ATF6: variants seen among roughly 807,000 people sequenced by gnomAD.
ATF6 encodes the protein cyclic AMP-dependent transcription factor ATF-6 alpha.
In ATF6, 53 loss-of-function variants were observed where a neutral mutation model predicts 83.6. The observed-to-expected ratio is 0.63, with a 90% confidence interval of 0.51 to 0.80. The LOEUF is 0.80. Among genes scored for constraint, ATF6 ranks in the 30% least tolerant of loss-of-function variants. The probability of loss-of-function intolerance (pLI) is 0.00; values close to 1 mark genes in which losing one functional copy is unlikely to be tolerated. For missense variants in ATF6, 744 were observed against 797.9 expected (o/e 0.93, Z 0.81); for synonymous variants, 288 against 285.8 (o/e 1.01, Z -0.08).
At chr1:161,920,134 T>C (rs1226935856) in intron 15 of ATF6, among the ~76,000 whole-genome samples, 1 of 152,014 alleles carries the variant, frequency 6.6e-6, no homozygotes, top group Non-Finnish European at 1.5e-5. Flanking sequence ...GTTGTCTATT[T>C]TTTTTAAAAA....
intron 7 of ATF6, among the ~76,000 whole-genome samples, chr1:161,806,386 A>G (rs1485401016): frequency 1.3e-5 from 2 of 152,338 alleles, no homozygotes; most frequent in East Asian, 3.9e-4. Context: ...TTTTAAGGTT[A>G]TAGGAATTAC....
chr1:161,908,972 C>G (rs191761590), intron 14 of ATF6, among the ~76,000 whole-genome samples: 34 of 152,254 alleles, frequency 2.2e-4, no homozygotes, highest in African/African-American at 8.2e-4. Flanking sequence ...TAAAAAATAA[C>G]AGTCCTGTCC....
chr1:161,829,555 A>G (rs1362525164), intron 9 of ATF6, among the ~76,000 whole-genome samples: 1 of 152,200 alleles, frequency 6.6e-6, no homozygotes, highest in African/African-American at 2.4e-5. Flanking sequence ...AAAATCCTCA[A>G]TAAAATACTG....
intron 15 of ATF6, among the ~76,000 whole-genome samples, chr1:161,956,818 A>G (rs1018063484): frequency 2.0e-5 from 3 of 152,248 alleles, no homozygotes; most frequent in African/African-American, 7.2e-5. Flanking sequence ...AAAATAGAAT[A>G]TATCATCTGC....
chr1:161,831,048 G>A (rs1245460347), intron 9 of ATF6, among the ~76,000 whole-genome samples: 6 of 151,794 alleles, frequency 4.0e-5, no homozygotes, highest in African/African-American at 1.5e-4. Flanking sequence ...CAATCTACTC[G>A]TCTGACAAAG....
At chr1:161,796,133 C>T (rs1205606121) in intron 6 of ATF6, among the ~76,000 whole-genome samples, 1 of 152,168 alleles carries the variant, frequency 6.6e-6, no homozygotes, top group South Asian at 2.1e-4. Flanking sequence ...GGTAATTACA[C>T]AATTGGTAGT....
At chr1:161,941,229 A>T (rs1688636415) in intron 15 of ATF6, among the ~76,000 whole-genome samples, 1 of 152,212 alleles carries the variant, frequency 6.6e-6, no homozygotes, top group Non-Finnish European at 1.5e-5. Context: ...GCCCTGCTTA[A>T]AAAATAAAGG....
chr1:161,947,948 C>T (rs997919304), intron 15 of ATF6, among the ~76,000 whole-genome samples: 1 of 150,510 alleles, frequency 6.6e-6, no homozygotes, highest in Non-Finnish European at 1.5e-5. Context: ...TCTCAGCCTC[C>T]CGAGTAGCTG....
intron 14 of ATF6, among the ~76,000 whole-genome samples, chr1:161,883,571 A>G (rs1265478735): frequency 6.6e-6 from 1 of 151,988 alleles, no homozygotes. Context: ...TGACATTTTC[A>G]TATTGATATT....
intron 14 of ATF6, among the ~76,000 whole-genome samples, chr1:161,896,638 T>C (rs1214139778): frequency 2.0e-5 from 3 of 152,238 alleles, no homozygotes; most frequent in Admixed American, 2.0e-4. Flanking sequence ...CTATTATCAG[T>C]AAAATTAGAT....
At chr1:161,798,936 G>C (rs1003622178) in intron 6 of ATF6, among the ~76,000 whole-genome samples, 1 of 152,182 alleles carries the variant, frequency 6.6e-6, no homozygotes. Flanking sequence ...CTATCAAAAA[G>C]TTGAAAAATA....
At position 161,802,271 on chromosome 1, in the gene ATF6, A is replaced by G; in HGVS notation, c.908A>G (p.Asp303Gly). 6.2e-7 allele frequency: 1 copy of G among 1,613,500 alleles called. No individual in the cohort carries two copies. Residue 303 changes from aspartate to glycine, a missense_variant and splice_region_variant, in exon 7 of 16, where the codon GAT (aspartate) becomes GGT (glycine). By Grantham distance (94) the Asp-to-Gly change is moderately conservative. Transcript: ENST00000367942. The stretch of plus-strand genomic sequence containing the variant: ...AGTACCATGAGAAATGTCGGTTCAG[A>G]TGTAAGTTTTGAAACTTAGTGCTTC... ...LQSTMRNVGS[D>G]IAVLRRQQRM...
intron 4 of ATF6, among the ~76,000 whole-genome samples, chr1:161,787,837 A>G (rs6427630): frequency 0.12 from 18,053 of 152,220 alleles, 1,611 homozygotes; most frequent in East Asian, 0.31. Context: ...GATTTCAATT[A>G]TATGCATGTA....
chr1:161,823,870 C>T (rs1417127027), intron 9 of ATF6, among the ~76,000 whole-genome samples: 28 of 152,086 alleles, frequency 1.8e-4, no homozygotes, highest in South Asian at 2.1e-4. Context: ...CAACTGCTGC[C>T]GTAATTTATT....
At chr1:161,781,645 AGAAAATAAT>A (rs1684637054) in intron 2 of ATF6, among the ~76,000 whole-genome samples, 1 of 152,244 alleles carries the variant, frequency 6.6e-6, no homozygotes. Flanking sequence ...TCATTCTCAT[AGAAAATAAT>A]GAAGCCAACT....
At chr1:161,928,462 T>C (rs561602265) in intron 15 of ATF6, among the ~76,000 whole-genome samples, 2 of 152,280 alleles carry the variant, frequency 1.3e-5, no homozygotes, top group South Asian at 2.1e-4. Flanking sequence ...TGTTAAAATA[T>C]GGAGAAATAA....
At chr1:161,901,379 A>G (rs1422056111) in intron 14 of ATF6, among the ~76,000 whole-genome samples, 1 of 151,944 alleles carries the variant, frequency 6.6e-6, no homozygotes, top group Non-Finnish European at 1.5e-5. Context: ...ATCATTAGCC[A>G]TTAGTAGAAA....
At chr1:161,955,609 A>G (rs1688951969) in intron 15 of ATF6, among the ~76,000 whole-genome samples, 1 of 152,246 alleles carries the variant, frequency 6.6e-6, no homozygotes, top group Admixed American at 6.5e-5. Flanking sequence ...GGGTGTTAGT[A>G]CTAAGCCACC....
intron 4 of ATF6, among the ~76,000 whole-genome samples, chr1:161,784,580 C>T (rs903402616): frequency 1.3e-5 from 2 of 152,076 alleles, no homozygotes; most frequent in Non-Finnish European, 2.9e-5. Context: ...AAGAACACTT[C>T]TGCTCTGTGT....
Sources: gnomAD v4.1 joint callset for allele counts (sites outside exome capture counted in the v4.1 genomes callset) on GRCh38, gnomAD v4.1.1 for gene constraint, MANE v1.5 for transcripts, NCBI Gene and HGNC (gene_info 2026-07-23, HGNC 2026-07-21) for gene names.